Variants in MAML2 observed in about 807,000 individuals in gnomAD.
The protein encoded by MAML2 is mastermind-like protein 2.
A neutral mutation model predicts 96.1 loss-of-function variants in MAML2; 22 were observed. That is an observed-to-expected ratio of 0.23 (90% CI 0.16 to 0.33). MAML2 has a LOEUF of 0.33. MAML2 is among the 10% of genes least tolerant of loss of function. MAML2 has a pLI of 1.00. For missense variants in MAML2, 1,367 were observed against 1,392.4 expected (o/e 0.98, Z 0.29); for synonymous variants, 561 against 521.3 (o/e 1.08, Z -1.04).
At chr11:96,027,574 G>A (rs1858545844) in intron 2 of MAML2, among the ~76,000 whole-genome samples, 1 of 152,322 alleles carries the variant, frequency 6.6e-6, no homozygotes, top group Middle Eastern at 3.4e-3. Context: ...TGGGACCACA[G>A]AGGAAAGACA....
chr11:96,113,843 G>A (rs556421321), intron 1 of MAML2, among the ~76,000 whole-genome samples: 12 of 152,068 alleles, frequency 7.9e-5, no homozygotes, highest in East Asian at 3.9e-4. Context: ...ATATGAAGGC[G>A]GTTGTATAAG....
chr11:96,281,135 C>T (rs1260194394), intron 1 of MAML2, among the ~76,000 whole-genome samples: 1 of 152,112 alleles, frequency 6.6e-6, no homozygotes, highest in African/African-American at 2.4e-5. Flanking sequence ...AAAGACTGAA[C>T]ATTCAAGCTG....
chr11:96,129,994 G>A (rs1296297375), intron 1 of MAML2, among the ~76,000 whole-genome samples: 2 of 152,222 alleles, frequency 1.3e-5, no homozygotes, highest in Non-Finnish European at 2.9e-5. Context: ...CTGAGTACAA[G>A]GACATTACCT....
intron 2 of MAML2, among the ~76,000 whole-genome samples, chr11:96,087,996 C>G (rs1859645436): frequency 6.6e-6 from 1 of 152,140 alleles, no homozygotes; most frequent in Non-Finnish European, 1.5e-5. Context: ...CCCACTGCCA[C>G]CCAGGCCAAT....
intron 1 of MAML2, among the ~76,000 whole-genome samples, chr11:96,269,508 A>AG (rs1485579670): frequency 7.0e-6 from 1 of 143,474 alleles, no homozygotes; most frequent in Non-Finnish European, 1.5e-5. Flanking sequence ...TTATTTTTTG[A>AG]GGTACATTCT....
chr11:96,124,096 CAAA>C (rs11464319), intron 1 of MAML2, among the ~76,000 whole-genome samples: 72 of 96,362 alleles, frequency 7.5e-4, no homozygotes, highest in African/African-American at 2.9e-3. Flanking sequence ...AACTCTGTCT[CAAA>C]AAAAAAAAAA....
intron 1 of MAML2, among the ~76,000 whole-genome samples, chr11:96,234,264 C>T (rs1178375793): frequency 6.6e-6 from 1 of 152,080 alleles, no homozygotes; most frequent in Non-Finnish European, 1.5e-5. Context: ...GGCGGGTCAC[C>T]TAAGGTCAGG....
At chr11:96,035,850 A>C (rs1300125216) in intron 2 of MAML2, among the ~76,000 whole-genome samples, 4 of 152,182 alleles carry the variant, frequency 2.6e-5, no homozygotes, top group African/African-American at 9.6e-5. Context: ...AAAGGCCTCC[A>C]TTCGAGTCCT....
rs529584150 is a variant in MAML2, at chr11:96,050,404, A to C, written c.2139+41488T>G. On this transcript the variant is annotated intron_variant, in intron 2 of 4. Transcript: ENST00000524717. ...CCACTCTGGGACATATTTGTGGCATATATGAGATGTAAGAATGAATCCTTC... is the reference window on the plus strand; with the variant it reads ...CCACTCTGGGACATATTTGTGGCATCTATGAGATGTAAGAATGAATCCTTC... Among the ~76,000 whole-genome samples, 8 of 152,350 alleles carry C rather than the reference A, an allele frequency of 5.3e-5. No individual in the cohort carries two copies. In the South Asian group the frequency reaches 1.7e-3, roughly 32 times the overall value.
intron 2 of MAML2, among the ~76,000 whole-genome samples, chr11:95,998,273 T>C (rs1401266105): frequency 6.6e-6 from 1 of 152,030 alleles, no homozygotes; most frequent in African/African-American, 2.4e-5. Flanking sequence ...TTCTACCACA[T>C]CCCTAGCAAA....
At chr11:96,150,070 T>C (rs1230517127) in intron 1 of MAML2, among the ~76,000 whole-genome samples, 3 of 152,250 alleles carry the variant, frequency 2.0e-5, no homozygotes, top group Non-Finnish European at 4.4e-5. Context: ...CAAATTATCA[T>C]GTACCAATCT....
Position 96,173,149 on chromosome 11 carries a change from G to A in MAML2, c.514-79632C>T, listed in dbSNP as rs372433883. On this transcript the variant is annotated intron_variant, in intron 1 of 4. Transcript: ENST00000524717. ...GGGGCTCTGGGACCCAGGGGCTGTCGGGGAGATGTGTCCCAGAGCACTTGG... is the reference window on the plus strand; with the variant it reads ...GGGGCTCTGGGACCCAGGGGCTGTCAGGGAGATGTGTCCCAGAGCACTTGG... 5.3e-5 allele frequency among the ~76,000 whole-genome samples: 8 copies of A among 152,278 alleles called. No homozygotes were observed. In the East Asian group the frequency reaches 5.8e-4, roughly 11 times the overall value.
intron 2 of MAML2, among the ~76,000 whole-genome samples, chr11:96,014,508 G>A (rs1406222000): frequency 1.3e-5 from 2 of 152,166 alleles, no homozygotes; most frequent in African/African-American, 4.8e-5. Context: ...ATGAATTGTA[G>A]AGAGAAAGCT....
chr11:96,228,678 A>G (rs1489074575), intron 1 of MAML2, among the ~76,000 whole-genome samples: 1 of 152,236 alleles, frequency 6.6e-6, no homozygotes, highest in Non-Finnish European at 1.5e-5. Flanking sequence ...TCAGTCGGCC[A>G]GACCAGACCA....
intron 2 of MAML2, among the ~76,000 whole-genome samples, chr11:96,006,563 C>CT (rs367732430): frequency 0.23 from 32,042 of 138,434 alleles, 3,749 homozygotes; most frequent in East Asian, 0.39. Flanking sequence ...TTTTTTTTTT[C>CT]TTTTTTTTTT....
chr11:96,252,419 C>G lies in MAML2; in HGVS notation c.513+88964G>C, dbSNP rs149424179. Among the ~76,000 whole-genome samples the G allele has an allele frequency of 1.2e-3, 168 of 145,098 alleles. 1 individual carries two copies. Among genetic ancestry groups the G allele is most frequent in the African/African-American group, 3.5e-3 (140 of 40,210 alleles). On this transcript the variant is annotated intron_variant, in intron 1 of 4. Coordinates refer to ENST00000524717, the MANE Select transcript of MAML2 (RefSeq NM_032427.4). ...CATTGTTCTCAGCGCTTTACCTTGA[C>G]TAACTCTTTTTTTTTTTTTTTTTTT...
At chr11:96,075,087 G>C (rs1859413012) in intron 2 of MAML2, among the ~76,000 whole-genome samples, 4 of 152,194 alleles carry the variant, frequency 2.6e-5, no homozygotes, top group Non-Finnish European at 4.4e-5. Flanking sequence ...TTTGCTTTCA[G>C]TTCTGAAGGT....
chr11:96,136,778 AC>A (rs1215563513), intron 1 of MAML2, among the ~76,000 whole-genome samples: 1 of 152,262 alleles, frequency 6.6e-6, no homozygotes, highest in Non-Finnish European at 1.5e-5. Flanking sequence ...AAATAACTTT[AC>A]ACTTACTTCA....
intron 1 of MAML2, among the ~76,000 whole-genome samples, chr11:96,170,714 G>C (rs1171456411): frequency 6.6e-6 from 1 of 152,126 alleles, no homozygotes; most frequent in East Asian, 1.9e-4. Context: ...TCTGTGTGTA[G>C]ATTCTACTTT....
Sources: allele counts gnomAD v4.1 joint callset (sites outside exome capture counted in the v4.1 genomes callset), GRCh38; gene constraint gnomAD v4.1.1; transcripts MANE v1.5; gene names NCBI Gene and HGNC (gene_info 2026-07-23, HGNC 2026-07-21).